Variants in NOVA1 observed in about 807,000 individuals in gnomAD.
The protein encoded by NOVA1 is RNA-binding protein Nova-1.
Under a neutral mutation model 38.0 loss-of-function variants are expected in NOVA1, and 7 were observed. The ratio of observed to expected loss-of-function variants is 0.18; its 90% CI spans 0.10 to 0.35. The LOEUF (loss-of-function observed/expected upper bound fraction) is 0.35, where lower values mean the gene tolerates loss of function less well. Ranked by LOEUF, NOVA1 falls within the 10% of genes least tolerant of loss-of-function variation. The pLI is 1.00. For synonymous variants in NOVA1, 270 were observed against 232.5 expected (o/e 1.16, Z -1.47); for missense variants, 460 against 616.0 (o/e 0.75, Z 2.68).
At chr14:26,524,256 T>C (rs777342036) in intron 2 of NOVA1, among the ~76,000 whole-genome samples, 1 of 152,068 alleles carries the variant, frequency 6.6e-6, no homozygotes, top group Non-Finnish European at 1.5e-5. Context: ...AACCTGTTTG[T>C]GGATCTGGTG....
intron 2 of NOVA1, among the ~76,000 whole-genome samples, chr14:26,483,441 C>T (rs920357325): frequency 8.5e-5 from 13 of 152,146 alleles, no homozygotes; most frequent in African/African-American, 3.1e-4. Context: ...TAGAAAATTA[C>T]TCTTTTGCAA....
At chr14:26,575,350 T>C (rs1892775993) in intron 2 of NOVA1, among the ~76,000 whole-genome samples, 1 of 152,144 alleles carries the variant, frequency 6.6e-6, no homozygotes, top group African/African-American at 2.4e-5. Context: ...GAAAATATAA[T>C]ATAGATATTT....
At chr14:26,495,620 A>G (rs868140307) in intron 2 of NOVA1, among the ~76,000 whole-genome samples, 33 of 150,260 alleles carry the variant, frequency 2.2e-4, no homozygotes, top group South Asian at 1.9e-3. Context: ...AGCATTAGGT[A>G]TATCACCCAA....
chr14:26,562,128 T>C (rs554715017), intron 2 of NOVA1, among the ~76,000 whole-genome samples: 4 of 152,312 alleles, frequency 2.6e-5, no homozygotes, highest in African/African-American at 9.6e-5. Context: ...TAAGGTGTCA[T>C]ATTAGTTTAA....
At position 26,472,327 on chromosome 14, in the gene NOVA1, G is replaced by C. The variant is rs1469130051; in HGVS notation, c.512C>G (p.Ala171Gly). 1.3e-6 allele frequency: 2 copies of C among 1,586,394 alleles called. No homozygotes were observed. Among genetic ancestry groups the C allele is most frequent in the Non-Finnish European group, 8.6e-7 (1 of 1,158,880 alleles). Residue 171 changes from alanine to glycine, a missense_variant, in exon 4 of 5, where the codon GCT becomes GGT. Physicochemically the swap from Ala to Gly is moderately conservative, Grantham distance 60. Transcript: ENST00000539517. ...SPSDPMTTSR[A>G]NQVKIIVPNS... ...GACAGGATGATACTGTACCTGATTAGCTCTGGAGGTGGTCATGGGATCAGA... is the reference window on the plus strand; with the variant it reads ...GACAGGATGATACTGTACCTGATTACCTCTGGAGGTGGTCATGGGATCAGA...
At chr14:26,536,744 T>C (rs762174534) in intron 2 of NOVA1, among the ~76,000 whole-genome samples, 1 of 152,098 alleles carries the variant, frequency 6.6e-6, no homozygotes, top group African/African-American at 2.4e-5. Flanking sequence ...GGGGGAAAGA[T>C]AACAGACTTT....
intron 2 of NOVA1, among the ~76,000 whole-genome samples, chr14:26,514,114 G>GA (rs1888289490): frequency 6.6e-6 from 1 of 151,514 alleles, no homozygotes; most frequent in African/African-American, 2.4e-5. Context: ...AAAGTTCATG[G>GA]AATCAGGATT....
intron 4 of NOVA1, among the ~76,000 whole-genome samples, chr14:26,469,346 G>A (rs568826939): frequency 6.6e-6 from 1 of 152,264 alleles, no homozygotes; most frequent in South Asian, 2.1e-4. Flanking sequence ...ATATTTTAGA[G>A]TTGAAAAAAC....
intron 3 of NOVA1, among the ~76,000 whole-genome samples, chr14:26,478,452 G>A (rs1885167119): frequency 6.6e-6 from 1 of 151,892 alleles, no homozygotes; most frequent in African/African-American, 2.4e-5. Flanking sequence ...AAGAAAAGGA[G>A]GAACTTATAG....
chr14:26,539,862 A>T (rs1488353102), intron 2 of NOVA1, among the ~76,000 whole-genome samples: 2 of 136,574 alleles, frequency 1.5e-5, no homozygotes, highest in Non-Finnish European at 3.2e-5. Flanking sequence ...TAATAATAAG[A>T]GGCAAAGGAA....
chr14:26,559,006 T>C (rs779322569), intron 2 of NOVA1, among the ~76,000 whole-genome samples: 6 of 152,016 alleles, frequency 3.9e-5, no homozygotes, highest in Non-Finnish European at 5.9e-5. Context: ...AGAAAACTTA[T>C]AGGGAGAAGA....
intron 3 of NOVA1, among the ~76,000 whole-genome samples, chr14:26,476,906 G>T (rs1315041827): frequency 6.6e-6 from 1 of 151,112 alleles, no homozygotes; most frequent in Non-Finnish European, 1.5e-5. Flanking sequence ...GTAGAGATGG[G>T]GTTTCTCTAT....
At chr14:26,519,998 G>A (rs1264950368) in intron 2 of NOVA1, among the ~76,000 whole-genome samples, 1 of 152,168 alleles carries the variant, frequency 6.6e-6, no homozygotes, top group Non-Finnish European at 1.5e-5. Context: ...CACAAACACT[G>A]AATTAACAAA....
chr14:26,540,751 T>C (rs1890417463), intron 2 of NOVA1, among the ~76,000 whole-genome samples: 1 of 152,192 alleles, frequency 6.6e-6, no homozygotes, highest in Non-Finnish European at 1.5e-5. Context: ...CAGCAATCCA[T>C]TCAATATTTT....
At chr14:26,535,699 T>G (rs1021158083) in intron 2 of NOVA1, among the ~76,000 whole-genome samples, 1 of 152,176 alleles carries the variant, frequency 6.6e-6, no homozygotes, top group Non-Finnish European at 1.5e-5. Flanking sequence ...GGCTCACGCC[T>G]GTAATCCCAG....
At chr14:26,462,029 T>C (rs905848932) in intron 4 of NOVA1, among the ~76,000 whole-genome samples, 3 of 152,140 alleles carry the variant, frequency 2.0e-5, no homozygotes, top group Non-Finnish European at 2.9e-5. Flanking sequence ...TATTTAATAA[T>C]AGTCAAAAGT....
At chr14:26,498,158 C>T (rs1886957828) in intron 2 of NOVA1, among the ~76,000 whole-genome samples, 1 of 152,066 alleles carries the variant, frequency 6.6e-6, no homozygotes. Context: ...CTCCTGGGTT[C>T]ACGCCTTTCT....
intron 2 of NOVA1, among the ~76,000 whole-genome samples, chr14:26,525,376 T>C (rs17111330): frequency 0.073 from 11,053 of 152,190 alleles, 881 homozygotes; most frequent in African/African-American, 0.2. Flanking sequence ...AGGTCATTTA[T>C]TGCCTTATGT....
At chr14:26,489,120 C>T (rs546130391) in intron 2 of NOVA1, among the ~76,000 whole-genome samples, 1 of 151,978 alleles carries the variant, frequency 6.6e-6, no homozygotes, top group South Asian at 2.1e-4. Flanking sequence ...AAATTAATGT[C>T]TCTTACATTA....
Sources: gnomAD v4.1 joint callset for allele counts (sites outside exome capture counted in the v4.1 genomes callset) on GRCh38, gnomAD v4.1.1 for gene constraint, MANE v1.5 for transcripts, NCBI Gene and HGNC (gene_info 2026-07-23, HGNC 2026-07-21) for gene names.